Variants in EPB41L1 observed in about 807,000 individuals in gnomAD.
EPB41L1 encodes erythrocyte membrane protein band 4.1 like 1.
Under a neutral mutation model 97.8 loss-of-function variants are expected in EPB41L1, and 29 were observed. That is an observed-to-expected ratio of 0.30 (90% CI 0.22 to 0.40). The LOEUF is 0.40. Among genes scored for constraint, EPB41L1 ranks in the 10% least tolerant of loss-of-function variants. The pLI is 1.00. For missense variants in EPB41L1, 812 were observed against 1,162.3 expected, an observed-to-expected ratio of 0.70 and a Z score of 4.38; for synonymous variants, 383 against 459.2, an observed-to-expected ratio of 0.83 and a Z score of 2.12.
Position 36,190,216 on chromosome 20 carries a change from A to C in EPB41L1, c.1027-61A>C. On this transcript the variant is annotated intron_variant, in intron 9 of 21. Coordinates refer to ENST00000338074, the MANE Select transcript of EPB41L1 (RefSeq NM_012156.2). This position sits in a 1 kb window ranked among gnomAD's most constrained non-coding sequence, Gnocchi z 5.8. Reference sequence around the variant, plus strand: ...ACAAATAAAATAAAAAACACAAAGAATGGGCTAGTGGCGAGAGTGAGCTCA... The same window carrying C: ...ACAAATAAAATAAAAAACACAAAGACTGGGCTAGTGGCGAGAGTGAGCTCA... The C allele has an allele frequency of 7.7e-7, 1 of 1,299,682 alleles. No individual in the cohort carries two copies. The highest frequency in any genetic ancestry group is 1.2e-5 in the South Asian group (1 of 82,770). The allele number at this position is 1,299,682 out of a possible 1,614,324, so 80.5% of individuals were successfully genotyped here.
chr20:36,131,356 C>T (rs1187394188), intron 2 of EPB41L1, among the ~76,000 whole-genome samples: 1 of 151,942 alleles, frequency 6.6e-6, no homozygotes, highest in Non-Finnish European at 1.5e-5. Flanking sequence ...GTGATCCACC[C>T]ACCTTGGCCT....
Position 36,190,721 on chromosome 20 carries a change from C to T in EPB41L1, c.1224C>T (p.Ala408=). 6.2e-7 allele frequency: 1 copy of T among 1,614,210 alleles called. No individual in the cohort carries two copies. The highest frequency in any genetic ancestry group is 1.1e-5 in the South Asian group (1 of 91,082). Reference sequence around the variant, plus strand: ...AGGCACAGACTCGCCAGGCCAGCGCCCTCATTGACCGGCCTGCACCCTTCT... The same window carrying T: ...AGGCACAGACTCGCCAGGCCAGCGCTCTCATTGACCGGCCTGCACCCTTCT... ...RTQAQTRQAS[A]LIDRPAPFFE... The change falls in exon 11 of 22, where the codon GCC becomes GCT. Residue 408 remains alanine (A), a synonymous_variant. Transcript: ENST00000338074. This position sits in a 1 kb window ranked among gnomAD's most constrained non-coding sequence, Gnocchi z 5.8.
chr20:36,134,788 C>T (rs2059352630), intron 2 of EPB41L1, among the ~76,000 whole-genome samples: 1 of 150,600 alleles, frequency 6.6e-6, no homozygotes, highest in Non-Finnish European at 1.5e-5. Flanking sequence ...GCACGTCTGT[C>T]TGTGGGAGTC....
chr20:36,208,986 A>C (rs558331793), intron 14 of EPB41L1, among the ~76,000 whole-genome samples: 22 of 152,292 alleles, frequency 1.4e-4, no homozygotes, highest in Middle Eastern at 3.4e-3. Flanking sequence ...GGAATTGACA[A>C]ACATGTTGGC....
intron 1 of EPB41L1, among the ~76,000 whole-genome samples, chr20:36,167,894 A>C (rs2060807286): frequency 6.6e-6 from 1 of 152,076 alleles, no homozygotes; most frequent in African/African-American, 2.4e-5. Context: ...ATAGTGGCTT[A>C]GATTTAGGCA....
rs543097410 is a variant in EPB41L1 at position 36,229,698 on chromosome 20, C to T, written c.*358C>T. ...TAATCCCTTGCTCACCCCTTTCCCC[C>T]GCCAAATAAGAAACGCAAGCCAGAC... On this transcript the variant is annotated 3_prime_UTR_variant, in exon 22 of 22. Transcript: ENST00000338074. 20 of 173,236 alleles carry T rather than the reference C, an allele frequency of 1.2e-4. No homozygotes were observed. The highest frequency in any genetic ancestry group is 3.5e-4 in the Admixed American group (6 of 16,918). The allele number at this position is 173,236 out of a possible 1,614,324, so 10.7% of individuals were successfully genotyped here.
At chr20:36,141,497 A>G (rs1055995618) in intron 2 of EPB41L1, among the ~76,000 whole-genome samples, 1 of 152,194 alleles carries the variant, frequency 6.6e-6, no homozygotes, top group African/African-American at 2.4e-5. Context: ...ACTCCAGGGA[A>G]CAACTGAAGA....
At chr20:36,184,216 CAG>C (rs1173139869) in intron 6 of EPB41L1, among the ~76,000 whole-genome samples, 1 of 151,490 alleles carries the variant, frequency 6.6e-6, no homozygotes, top group Admixed American at 6.6e-5. Context: ...GCCTGGGTGA[CAG>C]AGTGAGACTC....
chr20:36,191,036 T>G (rs2061925529), intron 11 of EPB41L1, among the ~76,000 whole-genome samples: 1 of 152,000 alleles, frequency 6.6e-6, no homozygotes, highest in Non-Finnish European at 1.5e-5. Context: ...CCCCACAACT[T>G]CCCTGAGTCG....
At chr20:36,129,501 TG>T (rs1372646470) in intron 2 of EPB41L1, among the ~76,000 whole-genome samples, 1 of 152,108 alleles carries the variant, frequency 6.6e-6, no homozygotes, top group African/African-American at 2.4e-5. Context: ...TGAATGCAGT[TG>T]GGAGGCATAA....
At chr20:36,112,834 A>G (rs970586746) in intron 2 of EPB41L1, among the ~76,000 whole-genome samples, 11 of 152,178 alleles carry the variant, frequency 7.2e-5, no homozygotes, top group Non-Finnish European at 1.2e-4. Context: ...CCTAGGTCGT[A>G]GACTAGATTC....
intron 2 of EPB41L1, among the ~76,000 whole-genome samples, chr20:36,138,082 A>G (rs537001577): frequency 6.6e-6 from 1 of 152,276 alleles, no homozygotes; most frequent in Non-Finnish European, 1.5e-5. Flanking sequence ...ATTCCATTGT[A>G]TATATGTACA....
At chr20:36,123,526 C>T (rs970298191) in intron 2 of EPB41L1, among the ~76,000 whole-genome samples, 4 of 152,144 alleles carry the variant, frequency 2.6e-5, no homozygotes, top group South Asian at 2.1e-4. Flanking sequence ...CTGCAACCTC[C>T]GCCTCCTGGG....
intron 3 of EPB41L1, among the ~76,000 whole-genome samples, 197 bp from the exon 4 acceptor site, chr20:36,177,755 G>T (rs990956880): frequency 2.0e-5 from 3 of 152,228 alleles, no homozygotes; most frequent in Admixed American, 6.5e-5. Flanking sequence ...CCATCAAGGA[G>T]CTGGCCATTG....
intron 11 of EPB41L1, among the ~76,000 whole-genome samples, chr20:36,191,380 A>G (rs2061942133): frequency 1.3e-5 from 2 of 152,144 alleles, no homozygotes; most frequent in Middle Eastern, 3.4e-3. Context: ...CCCCATTTCT[A>G]TTGGATTGAT....
intron 1 of EPB41L1, among the ~76,000 whole-genome samples, chr20:36,103,777 A>G (rs2058098767): frequency 6.9e-6 from 1 of 145,774 alleles, no homozygotes; most frequent in South Asian, 2.1e-4. Flanking sequence ...GATCCAGCTC[A>G]CTACAAGCTC....
intron 1 of EPB41L1, among the ~76,000 whole-genome samples, chr20:36,107,377 T>C (rs1039307625): frequency 1.3e-5 from 2 of 151,450 alleles, no homozygotes; most frequent in Admixed American, 1.3e-4. Context: ...CACACCACCA[T>C]ACCCGGCTAA....
chr20:36,109,090 C>G (rs1331808593), intron 1 of EPB41L1, among the ~76,000 whole-genome samples: 1 of 152,114 alleles, frequency 6.6e-6, no homozygotes, highest in Non-Finnish European at 1.5e-5. Flanking sequence ...ACTACAGGCG[C>G]CTGCCACCAC....
In EPB41L1 at chr20:36,218,975, G is replaced by A. The variant is rs746788502; in HGVS notation, c.2355+13G>A. 2 of 1,613,110 alleles carry A rather than the reference G, an allele frequency of 1.2e-6. No homozygotes were observed. Among genetic ancestry groups the A allele is most frequent in the Non-Finnish European group, 1.7e-6 (2 of 1,179,466 alleles). On this transcript the variant is annotated intron_variant, in intron 18 of 21. Coordinates refer to ENST00000338074, the MANE Select transcript of EPB41L1 (RefSeq NM_012156.2). Reference sequence around the variant, plus strand: ...TTCTCTTTCTCCGGTAAGTGGGCAAGGCCAGCTCAGGCTAGGGGACTCCAC... The same window carrying A: ...TTCTCTTTCTCCGGTAAGTGGGCAAAGCCAGCTCAGGCTAGGGGACTCCAC...
Sources: allele counts gnomAD v4.1 joint callset (sites outside exome capture counted in the v4.1 genomes callset), GRCh38; gene constraint gnomAD v4.1.1; non-coding constraint Gnocchi (gnomAD v3.1); transcripts MANE v1.5; gene names NCBI Gene and HGNC (gene_info 2026-07-23, HGNC 2026-07-21).